ALK: variants seen among roughly 807,000 people sequenced by gnomAD.
The protein encoded by ALK is ALK tyrosine kinase receptor.
In ALK, 74 loss-of-function variants were observed where a neutral mutation model predicts 163.1. The ratio of observed to expected loss-of-function variants is 0.45; its 90% CI spans 0.38 to 0.55. The LOEUF is 0.55. ALK is among the 20% of genes least tolerant of loss of function. The pLI is 0.00. For missense variants in ALK, 2,063 were observed against 2,105.3 expected (o/e 0.98, Z 0.39); for synonymous variants, 960 against 843.2 (o/e 1.14, Z -2.40).
intron 16 of ALK, among the ~76,000 whole-genome samples, chr2:29,228,606 C>G (rs1302352551): frequency 6.6e-6 from 1 of 152,234 alleles, no homozygotes; most frequent in East Asian, 1.9e-4. Context: ...AGAGACTAGT[C>G]TGGCAAGCCA....
chr2:29,227,760 G>A lies in ALK; in HGVS notation c.2816-88C>T, dbSNP rs1664052439. 10 of 1,093,116 alleles carry A rather than the reference G, an allele frequency of 9.1e-6. No homozygotes were observed. The highest frequency in any genetic ancestry group is 1.3e-5 in the South Asian group (1 of 78,264). The allele number at this position is 1,093,116 out of a possible 1,614,324, so 67.7% of individuals were successfully genotyped here. A position where few individuals can be genotyped will look rare whatever the true frequency, so the allele number is the denominator to read the frequency against. On this transcript the variant is annotated intron_variant, in intron 16 of 28. Transcript: ENST00000389048. The surrounding 1 kb of genome is among the most constrained non-coding windows in gnomAD (Gnocchi z 4.4). ...ACACGTCAGTGGGGCATGCAGCTCT[G>A]GCCAAAGTTAGGGGGTCACTGGGGA... is the stretch of plus-strand genomic sequence containing the variant.
At chr2:29,283,222 T>C (rs1048692064) in intron 9 of ALK, among the ~76,000 whole-genome samples, 3 of 152,218 alleles carry the variant, frequency 2.0e-5, no homozygotes, top group Non-Finnish European at 4.4e-5. Context: ...CTTGCATCCC[T>C]GGCCAATTTT....
At chr2:29,463,085 C>G (rs1392759030) in intron 4 of ALK, among the ~76,000 whole-genome samples, 1 of 152,114 alleles carries the variant, frequency 6.6e-6, no homozygotes, top group African/African-American at 2.4e-5. Context: ...AAAACCTACA[C>G]CATAAATCCG....
chr2:29,686,930 C>T (rs1678258613), intron 3 of ALK, among the ~76,000 whole-genome samples: 1 of 152,068 alleles, frequency 6.6e-6, no homozygotes, highest in Non-Finnish European at 1.5e-5. Context: ...TGTGATTGCT[C>T]AAGGGTCCAG....
intron 4 of ALK, among the ~76,000 whole-genome samples, chr2:29,389,101 T>C (rs1460532606): frequency 6.6e-6 from 1 of 152,254 alleles, no homozygotes; most frequent in Non-Finnish European, 1.5e-5. Context: ...AGATATTTAC[T>C]GGTGCATTGT....
intron 1 of ALK, among the ~76,000 whole-genome samples, chr2:29,755,435 G>A (rs539933514): frequency 1.3e-5 from 2 of 152,306 alleles, no homozygotes; most frequent in East Asian, 1.9e-4. Flanking sequence ...AATTCTCCAC[G>A]GACCTATTTT....
chr2:29,539,825 A>G (rs1673366034), intron 3 of ALK, among the ~76,000 whole-genome samples: 1 of 152,186 alleles, frequency 6.6e-6, no homozygotes, highest in Non-Finnish European at 1.5e-5. Flanking sequence ...AGTTAAGAAA[A>G]CTTTTTCTTT....
chr2:29,705,327 A>G (rs1336890279), intron 2 of ALK, among the ~76,000 whole-genome samples: 1 of 137,522 alleles, frequency 7.3e-6, no homozygotes, highest in African/African-American at 2.6e-5. Context: ...GAATGTCGCC[A>G]TGCTTTCAAA....
Position 29,920,495 on chromosome 2 carries a change from T to C in ALK, c.165A>G (p.Ala55=), listed in dbSNP as rs751795742. ...AGAGCGAGGGCACCACGAAGTCAAC[T>C]GCCAGACTCTTCCTCTGCAGGCGCG... The part of the protein sequence containing the change: ...SYSRLQRKSL[A]VDFVVPSLFR... The change falls in exon 1 of 29, where the codon GCA becomes GCG. Residue 55 remains alanine, a synonymous_variant. Transcript: ENST00000389048. 2 of 1,613,106 alleles carry C rather than the reference T, an allele frequency of 1.2e-6. No homozygotes were observed. Among genetic ancestry groups the C allele is most frequent in the South Asian group, 2.2e-5 (2 of 91,020 alleles).
chr2:29,392,421 T>A (rs1669196107), intron 4 of ALK, among the ~76,000 whole-genome samples: 1 of 152,120 alleles, frequency 6.6e-6, no homozygotes, highest in Non-Finnish European at 1.5e-5. Context: ...GAGCTTTTGG[T>A]GGGTCAGAGG....
intron 4 of ALK, among the ~76,000 whole-genome samples, chr2:29,528,729 C>T (rs1191824922): frequency 2.0e-5 from 3 of 152,150 alleles, no homozygotes; most frequent in Non-Finnish European, 4.4e-5. Flanking sequence ...TTTCCATATG[C>T]CATTTCACAG....
At chr2:29,277,783 G>C (rs1028833916) in intron 9 of ALK, among the ~76,000 whole-genome samples, 1 of 152,222 alleles carries the variant, frequency 6.6e-6, no homozygotes, top group Non-Finnish European at 1.5e-5. Flanking sequence ...GGGATGGACA[G>C]CACAAGGACC....
chr2:29,317,820 C>CA (rs1558667376), intron 8 of ALK, among the ~76,000 whole-genome samples: 17 of 152,024 alleles, frequency 1.1e-4, no homozygotes, highest in African/African-American at 3.9e-4. Context: ...GTCCCTCCAC[C>CA]CACACCAATG....
chr2:29,241,773 G>A (rs1435440319), intron 12 of ALK, among the ~76,000 whole-genome samples: 3 of 152,004 alleles, frequency 2.0e-5, no homozygotes, highest in Non-Finnish European at 4.4e-5. Flanking sequence ...ACAGGCACAC[G>A]GCATCACCCA....
chr2:29,225,548 G>T lies in ALK; in HGVS notation c.3085C>A (p.Pro1029Thr). 6.2e-7 allele frequency: 1 copy of T among 1,608,558 alleles called. No homozygotes were observed. Among genetic ancestry groups the T allele is most frequent in the Non-Finnish European group, 8.5e-7 (1 of 1,178,398 alleles). ...AGGATCAGCGAGAGTGGCAGGTGTG[G>T]CTCCGGGGTGGGTGACACTGGAAGA... ...VSCIVSPTPE[P>T]HLPLSLILSV... Residue 1029 changes from proline to threonine, a missense_variant, in exon 19 of 29, where the codon CCA becomes ACA. Around this residue, in one of 5 missense-constraint regions of ALK, gnomAD observed 575 missense variants for 626.6 expected, o/e 0.92. Coordinates refer to ENST00000389048, the MANE Select transcript of ALK (RefSeq NM_004304.5).
At chr2:29,491,747 A>C (rs1671908046) in intron 4 of ALK, among the ~76,000 whole-genome samples, 1 of 152,186 alleles carries the variant, frequency 6.6e-6, no homozygotes, top group Admixed American at 6.5e-5. Context: ...CAAATTAGTT[A>C]GTGCCAGCAG....
chr2:29,886,998 T>C (rs888064630), intron 1 of ALK, among the ~76,000 whole-genome samples: 8 of 152,342 alleles, frequency 5.3e-5, no homozygotes, highest in Middle Eastern at 3.4e-3. Flanking sequence ...TCTGTGGACT[T>C]TTCTCAATGC....
Position 29,240,657 on chromosome 2 carries a change from A to G in ALK, c.2205-827T>C, listed in dbSNP as rs77890699. ...CCCATCATGATGAAAATAAAAACAG[A>G]GTGTGGGGATGGGAGATGATTTCTG... is the stretch of plus-strand genomic sequence containing the variant. On this transcript the variant is annotated intron_variant, in intron 12 of 28. Coordinates refer to ENST00000389048, the MANE Select transcript of ALK (RefSeq NM_004304.5). 6.5e-3 allele frequency among the ~76,000 whole-genome samples: 992 copies of G among 152,176 alleles called. 6 individuals carry two copies. The highest frequency in any genetic ancestry group is 0.022 in the African/African-American group (933 of 41,516).
intron 4 of ALK, among the ~76,000 whole-genome samples, chr2:29,393,681 C>T (rs1319400816): frequency 6.6e-6 from 1 of 152,230 alleles, no homozygotes; most frequent in Admixed American, 6.5e-5. Flanking sequence ...GTTTTGCTTT[C>T]CTCTTGCTTT....
Sources: gnomAD v4.1 joint callset for allele counts (sites outside exome capture counted in the v4.1 genomes callset) on GRCh38, gnomAD v4.1.1 for gene constraint, gnomAD v4.1.1 regional missense constraint, Gnocchi (gnomAD v3.1) non-coding constraint, MANE v1.5 for transcripts, NCBI Gene and HGNC (gene_info 2026-07-23, HGNC 2026-07-21) for gene names.